ZBED6: variants seen among roughly 807,000 people sequenced by gnomAD.
ZBED6 encodes zinc finger BED-type containing 6, also known as zinc finger BED domain-containing protein 6.
ZBED6 carries 40 observed loss-of-function variants against 58.4 expected under a neutral mutation model. That is an observed-to-expected ratio of 0.68 (90% CI 0.53 to 0.89). The LOEUF (loss-of-function observed/expected upper bound fraction) is 0.89, where lower values mean the gene tolerates loss of function less well. Among genes scored for constraint, ZBED6 ranks in the 40% least tolerant of loss-of-function variants. The pLI is 0.00. For missense variants in ZBED6, 1,057 were observed against 1,003.9 expected (o/e 1.05, Z -0.71); for synonymous variants, 439 against 350.6 (o/e 1.25, Z -2.82).
intron 3 of ZBED6, among the ~76,000 whole-genome samples, chr1:203,823,384 A>G (rs925493346): frequency 6.6e-6 from 1 of 152,220 alleles, no homozygotes; most frequent in Non-Finnish European, 1.5e-5. Context: ...CTGCCCAGGG[A>G]AATCCATTAG....
rs148052821 is a variant in ZBED6 at position 203,829,821 on chromosome 1, C to G, written c.*3243C>G. The G allele has an allele frequency of 8.0e-4, 1,294 of 1,614,082 alleles. 3 individuals carry two copies. The highest frequency in any genetic ancestry group is 1.0e-3 in the Non-Finnish European group (1,215 of 1,179,972). The stretch of plus-strand genomic sequence containing the variant: ...AGGTGATGAAACCAAAACACCTACC[C>G]TGCAACCAACTCCTGAAGTTCACAA... On this transcript the variant is annotated 3_prime_UTR_variant, in exon 6 of 17. Transcript: ENST00000550078.
intron 11 of ZBED6, among the ~76,000 whole-genome samples, chr1:203,842,440 A>G (rs539080101): frequency 1.3e-5 from 2 of 152,190 alleles, no homozygotes; most frequent in South Asian, 2.1e-4. Context: ...CCACCAAAAC[A>G]TGCAAACACC....
chr1:203,824,753 G>C lies in ZBED6; in HGVS notation c.*2874-3546G>C, dbSNP rs536232151. On this transcript the variant is annotated intron_variant, in intron 3 of 16. Transcript: ENST00000550078. ...CTCAAGTGCTTTGTAGTGTTGCTGA[G>C]TAGAAGAAAGCTGTGATGTGTCTTA... Among the ~76,000 whole-genome samples the C allele has an allele frequency of 7.6e-4, 115 of 152,204 alleles. 1 individual carries two copies. Among genetic ancestry groups the C allele is most frequent in the African/African-American group, 2.6e-3 (109 of 41,514 alleles).
Position 203,797,554 on chromosome 1 carries a change from C to CTT in ZBED6, c.33_34dup (p.Ser12PhefsTer33). The CTT allele has an allele frequency of 6.6e-7, 1 of 1,526,652 alleles. No homozygotes were observed. The highest frequency in any genetic ancestry group is 8.7e-7 in the Non-Finnish European group (1 of 1,144,118). The allele number at this position is 1,526,652 out of a possible 1,614,324, so 94.6% of individuals were successfully genotyped here. A position where few individuals can be genotyped will look rare whatever the true frequency, so the allele number is the denominator to read the frequency against. On this transcript the variant is annotated frameshift_variant, in exon 1 of 17. Transcript: ENST00000550078. LOFTEE classifies it high-confidence loss of function. ...GTATGTACTCTAAGTGTACCAGTTT[C>CTT]TTCACTCTCTCCTGGCAGAAGATGC...
At chr1:203,808,784 C>T (rs868544369) in intron 1 of ZBED6, among the ~76,000 whole-genome samples, 3 of 152,038 alleles carry the variant, frequency 2.0e-5, no homozygotes, top group Middle Eastern at 3.2e-3. Flanking sequence ...TCTTCGTCGT[C>T]GTCATCGCCA....
chr1:203,812,159 CA>C (rs575966153), intron 1 of ZBED6, among the ~76,000 whole-genome samples: 86 of 152,214 alleles, frequency 5.6e-4, no homozygotes, highest in African/African-American at 2.0e-3. Flanking sequence ...GCAGGATGTG[CA>C]GGTTTGTTAC....
At chr1:203,852,250 A>G (rs1179006041) in exon 17 of ZBED6, 4 of 1,613,672 alleles carry the variant, frequency 2.5e-6, no homozygotes, top group Admixed American at 1.7e-5. Flanking sequence ...CTCTGCCTCA[A>G]CAGGAAAGCC....
chr1:203,838,084 C>T lies in ZBED6; in HGVS notation c.*3672+20C>T. 6.2e-7 allele frequency: 1 copy of T among 1,608,732 alleles called. No homozygotes were observed. Among genetic ancestry groups the T allele is most frequent in the Non-Finnish European group, 8.5e-7 (1 of 1,176,278 alleles). ...AGAAAGGTACCTGTGTTCTTACATA[C>T]TTTGTGTGTGTATGTAATTATGACA... On this transcript the variant is annotated intron_variant, in intron 10 of 16. Coordinates refer to ENST00000550078, the Ensembl canonical transcript of ZBED6.
intron 7 of ZBED6, among the ~76,000 whole-genome samples, chr1:203,830,757 T>C (rs1278559374): frequency 2.0e-5 from 3 of 151,776 alleles, no homozygotes; most frequent in Non-Finnish European, 4.4e-5. Context: ...TGCAGTGAGC[T>C]GAGATCGCAC....
intron 11 of ZBED6, among the ~76,000 whole-genome samples, chr1:203,843,362 ATTTCT>A (rs1687004413): frequency 6.6e-6 from 1 of 152,064 alleles, no homozygotes; most frequent in African/African-American, 2.4e-5. Flanking sequence ...ACTGCCCCAC[ATTTCT>A]TTTTGTTTTC....
At chr1:203,818,317 G>A (rs995110703) in intron 2 of ZBED6, among the ~76,000 whole-genome samples, 10 of 149,782 alleles carry the variant, frequency 6.7e-5, no homozygotes, top group African/African-American at 2.2e-4. Context: ...ACTCCTACTT[G>A]TCTTTTTCAA....
exon 1 of ZBED6, chr1:203,798,582 G>A (rs1240675753): frequency 3.9e-6 from 6 of 1,536,092 alleles, no homozygotes; most frequent in Non-Finnish European, 5.2e-6. Flanking sequence ...AAAGTCTACA[G>A]GCAGCCAAGA....
chr1:203,852,309 A>T (rs747326904), exon 17 of ZBED6: 2 of 1,613,726 alleles, frequency 1.2e-6, no homozygotes, highest in Non-Finnish European at 1.7e-6. Flanking sequence ...GGGAGATTTC[A>T]GGAGGCAAAT....
chr1:203,851,560 C>T (rs891725687), intron 16 of ZBED6, among the ~76,000 whole-genome samples: 19 of 152,104 alleles, frequency 1.2e-4, no homozygotes, highest in Non-Finnish European at 2.5e-4. Flanking sequence ...AAACTCCTGA[C>T]GTCAAGTGAT....
In ZBED6 at chr1:203,817,270, T is replaced by G. The variant is rs1017854673; in HGVS notation, c.*2753+146T>G. 5.1e-6 allele frequency: 3 copies of G among 593,434 alleles called. No individual in the cohort carries two copies. The Admixed American group carries it at 1.1e-4, about 22-fold the overall frequency. 36.8% of individuals were successfully genotyped at this position (593,434 alleles called of 1,614,324 possible). A position where few individuals can be genotyped will look rare whatever the true frequency, so the allele number is the denominator to read the frequency against. On this transcript the variant is annotated intron_variant, in intron 2 of 16. Transcript: ENST00000550078. ...TGGCTGTCAGTTTTTTAAAGGATAA[T>G]GTATTTAGGGTAATTCAGTGTTTTT...
chr1:203,797,785 A>G (rs949158887), exon 1 of ZBED6: 1 of 1,536,048 alleles, frequency 6.5e-7, no homozygotes, highest in African/African-American at 1.4e-5. Context: ...TTTAGTAAGG[A>G]TTTGGGATCT....
Position 203,840,394 on chromosome 1 carries a change from A to G in ZBED6, c.*3741+20A>G, listed in dbSNP as rs1685727403. On this transcript the variant is annotated intron_variant, in intron 11 of 16. Transcript: ENST00000550078. ...CAACAGGTAAGTAAATCCTAAGACC[A>G]GATTCTGATTATTTTTTTCTTTGCT... 2 of 1,603,476 alleles carry G rather than the reference A, an allele frequency of 1.2e-6. No individual in the cohort carries two copies. The highest frequency in any genetic ancestry group is 1.3e-5 in the African/African-American group (1 of 74,272).
chr1:203,799,781 C>G (rs772926694), exon 1 of ZBED6: 81 of 1,036,460 alleles, frequency 7.8e-5, no homozygotes, highest in Non-Finnish European at 2.0e-5. Context: ...AAACAGATAC[C>G]CTACTAAGTG....
In ZBED6 at chr1:203,842,631, T is replaced by TC. The variant is rs1376017189; in HGVS notation, c.*3741+2257_*3741+2258insC. ...GGGGAGGGGGAGGGGGAATCTTTTT[T>TC]TTTTTTTTTTAAGTTTATTTTCTTA... On this transcript the variant is annotated intron_variant, in intron 11 of 16. Transcript: ENST00000550078. Among the ~76,000 whole-genome samples, 7 of 151,004 alleles carry TC rather than the reference T, an allele frequency of 4.6e-5. No individual in the cohort carries two copies. The East Asian group carries it at 1.2e-3, about 25-fold the overall frequency.
Sources: gnomAD v4.1 joint callset for allele counts (sites outside exome capture counted in the v4.1 genomes callset) on GRCh38, gnomAD v4.1.1 for gene constraint, MANE v1.5 for transcripts, NCBI Gene and HGNC (gene_info 2026-07-23, HGNC 2026-07-21) for gene names.